OPCML: variants seen among roughly 807,000 people sequenced by gnomAD.
OPCML encodes the protein opioid-binding protein/cell adhesion molecule.
OPCML carries 13 observed loss-of-function variants against 37.8 expected under a neutral mutation model. The observed-to-expected ratio is 0.34, with a 90% CI of 0.22 to 0.55. The LOEUF is 0.55. OPCML is among the 20% of genes least tolerant of loss of function. The pLI is 0.91. For missense variants in OPCML, 341 were observed against 435.6 expected (o/e 0.78, Z 1.93); for synonymous variants, 176 against 168.8 (o/e 1.04, Z -0.33).
intron 2 of OPCML, among the ~76,000 whole-genome samples, chr11:132,882,452 G>A (rs1354789): frequency 0.34 from 51,626 of 151,988 alleles, 9,262 homozygotes; most frequent in East Asian, 0.45. Context: ...TCTCCAGTCC[G>A]TCATTTGTGT....
chr11:132,761,493 C>A (rs1296782385), intron 2 of OPCML, among the ~76,000 whole-genome samples: 2 of 151,878 alleles, frequency 1.3e-5, no homozygotes, highest in Non-Finnish European at 2.9e-5. Flanking sequence ...TTCTTGGAGG[C>A]TTTGTTCATT....
At chr11:133,221,517 TG>T (rs1479909182) in intron 1 of OPCML, among the ~76,000 whole-genome samples, 3 of 152,052 alleles carry the variant, frequency 2.0e-5, no homozygotes, top group Non-Finnish European at 4.4e-5. Flanking sequence ...TCGTCCATGG[TG>T]GGGGGTATTC....
chr11:132,957,172 A>T (rs927013057), intron 1 of OPCML, among the ~76,000 whole-genome samples: 2 of 152,194 alleles, frequency 1.3e-5, no homozygotes, highest in African/African-American at 4.8e-5. Flanking sequence ...CCTCTGGGTC[A>T]TGAGGCTCAA....
chr11:132,619,000 C>CACACACACA (rs1348979941), intron 3 of OPCML, among the ~76,000 whole-genome samples: 2 of 139,734 alleles, frequency 1.4e-5, no homozygotes, highest in Non-Finnish European at 1.5e-5. Flanking sequence ...CACACACACA[C>CACACACACA]CGTGTTTAGA....
intron 1 of OPCML, among the ~76,000 whole-genome samples, chr11:133,332,566 G>A (rs532387944): frequency 9.9e-5 from 15 of 152,244 alleles, no homozygotes; most frequent in Non-Finnish European, 2.1e-4. Flanking sequence ...TCAGTAAAAT[G>A]TTGGCTGTGG....
At chr11:132,762,257 G>A (rs1490328183) in intron 2 of OPCML, among the ~76,000 whole-genome samples, 1 of 152,184 alleles carries the variant, frequency 6.6e-6, no homozygotes, top group African/African-American at 2.4e-5. Context: ...AACCCCTGCT[G>A]GGAGTTGTCT....
At chr11:132,508,217 A>T (rs1333010947) in intron 4 of OPCML, among the ~76,000 whole-genome samples, 1 of 152,210 alleles carries the variant, frequency 6.6e-6, no homozygotes, top group African/African-American at 2.4e-5. Flanking sequence ...ACATGTCCCA[A>T]CTCATTTTAT....
intron 1 of OPCML, among the ~76,000 whole-genome samples, chr11:133,062,355 C>G (rs1290950046): frequency 6.6e-6 from 1 of 152,208 alleles, no homozygotes; most frequent in Non-Finnish European, 1.5e-5. Context: ...TTACCACCTG[C>G]ATGTAGGCAA....
intron 1 of OPCML, among the ~76,000 whole-genome samples, chr11:132,974,846 C>T (rs1051702766): frequency 1.3e-5 from 2 of 151,638 alleles, no homozygotes; most frequent in Non-Finnish European, 2.9e-5. Context: ...TCTTTGTTTT[C>T]ATTGCAAGAT....
intron 1 of OPCML, among the ~76,000 whole-genome samples, chr11:133,041,561 T>C (rs1947898127): frequency 6.6e-6 from 1 of 152,176 alleles, no homozygotes; most frequent in Non-Finnish European, 1.5e-5. Flanking sequence ...TCTTCGAGTA[T>C]CCTAGCCTGG....
intron 7 of OPCML, among the ~76,000 whole-genome samples, chr11:132,431,870 CTG>C (rs1462683278): frequency 3.3e-5 from 5 of 152,132 alleles, no homozygotes; most frequent in Admixed American, 3.3e-4. Context: ...CAGATGGGGA[CTG>C]TGTGTTGGGG....
intron 1 of OPCML, among the ~76,000 whole-genome samples, chr11:133,042,541 C>T (rs1472403615): frequency 6.6e-6 from 1 of 152,168 alleles, no homozygotes; most frequent in African/African-American, 2.4e-5. Context: ...TCAACTCTCC[C>T]AATAGGCTAG....
In OPCML at chr11:132,743,592, G is replaced by T. The variant is rs75942684; in HGVS notation, c.147-86273C>A. Among the ~76,000 whole-genome samples, 1,325 of 152,266 alleles carry T rather than the reference G, an allele frequency of 8.7e-3. 10 individuals are homozygous for T. The highest frequency in any genetic ancestry group is 0.017 in the South Asian group (80 of 4,828). On this transcript the variant is annotated intron_variant, in intron 2 of 7. Transcript: ENST00000524381. ...ATGACCCTTCCCATCTCCTTGATCA[G>T]ATTAGAAGAATATAACTACTTCTCT...
intron 2 of OPCML, among the ~76,000 whole-genome samples, chr11:132,731,539 T>A (rs1276890841): frequency 2.0e-5 from 3 of 152,198 alleles, no homozygotes; most frequent in East Asian, 3.9e-4. Context: ...CCACTAAAAT[T>A]GGCACATTTA....
intron 1 of OPCML, among the ~76,000 whole-genome samples, chr11:133,452,749 A>G: frequency 6.6e-6 from 1 of 151,752 alleles, no homozygotes; most frequent in Non-Finnish European, 1.5e-5. Context: ...ATTTAACCAC[A>G]GTGGACCTTG....
chr11:133,008,288 T>G, intron 1 of OPCML: 1 of 985,084 alleles, frequency 1.0e-6, no homozygotes, highest in Non-Finnish European at 1.2e-6. Flanking sequence ...TGACAATCAA[T>G]TGTGGTGCAT....
At chr11:132,704,594 C>A (rs896518930) in intron 2 of OPCML, among the ~76,000 whole-genome samples, 4 of 152,130 alleles carry the variant, frequency 2.6e-5, no homozygotes, top group Admixed American at 2.0e-4. Context: ...CATTTAGTTT[C>A]TCAGCAAGAA....
chr11:133,112,160 C>T (rs951991607), intron 1 of OPCML, among the ~76,000 whole-genome samples: 2 of 151,536 alleles, frequency 1.3e-5, no homozygotes, highest in African/African-American at 4.8e-5. Context: ...GCTATTTATT[C>T]CCTATATTAA....
At chr11:132,866,390 G>T (rs1039040472) in intron 2 of OPCML, among the ~76,000 whole-genome samples, 5 of 152,192 alleles carry the variant, frequency 3.3e-5, no homozygotes, top group African/African-American at 1.2e-4. Context: ...CCTTGGCTAT[G>T]TCATCCAAGT....
Sources: gnomAD v4.1 joint callset for allele counts (sites outside exome capture counted in the v4.1 genomes callset) on GRCh38, gnomAD v4.1.1 for gene constraint, MANE v1.5 for transcripts, NCBI Gene and HGNC (gene_info 2026-07-23, HGNC 2026-07-21) for gene names.